PHEX: variants seen among roughly 807,000 people sequenced by gnomAD.
The protein encoded by PHEX is phosphate-regulating neutral endopeptidase PHEX.
In PHEX, 16 loss-of-function variants were observed where a neutral mutation model predicts 68.0. The ratio of observed to expected loss-of-function variants is 0.24; its 90% CI spans 0.16 to 0.36. The LOEUF is 0.36. PHEX is among the 10% of genes least tolerant of loss of function. The pLI is 1.00. For synonymous variants in PHEX, 208 were observed against 205.1 expected, an observed-to-expected ratio of 1.01 and a Z score of -0.12; for missense variants, 480 against 575.5, an observed-to-expected ratio of 0.83 and a Z score of 1.70.
intron 2 of PHEX, among the ~76,000 whole-genome samples, chrX:22,041,987 A>G (rs1927310959): frequency 9.0e-6 from 1 of 111,267 alleles, no homozygotes; most frequent in South Asian, 3.8e-4. Flanking sequence ...CTGTTTCTGG[A>G]GTGAAAGGCT....
At position 22,129,938 on chromosome X, in the gene PHEX, C is replaced by T. The variant is rs759535572; in HGVS notation, c.1303-3585C>T. ...ACTTGCTGTCTTCGCTTCCCACACA[C>T]TCTTCATCCCACTAGTTTGGCTTCT... On this transcript the variant is annotated intron_variant, in intron 11 of 21. Transcript: ENST00000379374. 4.5e-5 allele frequency among the ~76,000 whole-genome samples: 5 copies of T among 111,772 alleles called. No individual in the cohort carries two copies. The South Asian group carries it at 1.5e-3, about 33-fold the overall frequency.
At chrX:22,204,756 C>G (rs1193932400) in intron 15 of PHEX, among the ~76,000 whole-genome samples, 1 of 111,453 alleles carries the variant, frequency 9.0e-6, no homozygotes. Context: ...AGCTATTGCA[C>G]AGGACAAGTA....
chrX:22,190,329 A>T, intron 14 of PHEX, 115 bp from the exon 15 acceptor site: 1 of 574,843 alleles, frequency 1.7e-6, no homozygotes, highest in Non-Finnish European at 3.2e-6. Context: ...CATGTCCAAC[A>T]TCCCCATTGT....
chrX:22,044,478 A>G (rs1255581923), intron 2 of PHEX, among the ~76,000 whole-genome samples: 2 of 111,323 alleles, frequency 1.8e-5, no homozygotes, highest in Non-Finnish European at 3.8e-5. Flanking sequence ...TTGGGAGGCC[A>G]AGGTGGGTGG....
intron 7 of PHEX, 118 bp from the exon 8 acceptor site, chrX:22,096,837 C>T (rs1290646773): frequency 3.5e-6 from 2 of 579,651 alleles, no homozygotes; most frequent in South Asian, 2.5e-5. Flanking sequence ...TTGGGGACCA[C>T]ACCAAAGCCT....
intron 15 of PHEX, among the ~76,000 whole-genome samples, chrX:22,191,867 A>T: frequency 8.9e-6 from 1 of 112,662 alleles, no homozygotes; most frequent in East Asian, 2.8e-4. Context: ...AATACCATAC[A>T]GCAGTGAAAA....
In PHEX at chrX:22,036,713, A is replaced by G. The variant is rs183457606; in HGVS notation, c.119-1756A>G. Among the ~76,000 whole-genome samples the G allele has an allele frequency of 6.7e-3, 697 of 103,807 alleles. 16 individuals carry two copies. The South Asian group carries it at 0.12, about 18-fold the overall frequency. The allele number at this position is 103,807 out of a possible 115,157, so 90.1% of individuals were successfully genotyped here. A position where few individuals can be genotyped will look rare whatever the true frequency, so the allele number is the denominator to read the frequency against. On this transcript the variant is annotated intron_variant, in intron 1 of 21. Transcript: ENST00000379374. Reference sequence around the variant, plus strand: ...GCACACTAATCTTTATGCTGCCCATATATATTTTTTTACATAACTTTTTTT... The same window carrying G: ...GCACACTAATCTTTATGCTGCCCATGTATATTTTTTTACATAACTTTTTTT...
intron 15 of PHEX, among the ~76,000 whole-genome samples, chrX:22,210,293 T>C (rs1934877897): frequency 8.9e-6 from 1 of 112,140 alleles, no homozygotes; most frequent in Non-Finnish European, 1.9e-5. Context: ...TGATGTGTGG[T>C]GGCTTCAACT....
chrX:22,111,611 G>T, intron 10 of PHEX, 51 bp downstream of exon 10: 1 of 891,269 alleles, frequency 1.1e-6, no homozygotes, highest in Non-Finnish European at 1.7e-6. Context: ...TTTACATGCT[G>T]GAATAGTCCA....
intron 5 of PHEX, among the ~76,000 whole-genome samples, chrX:22,082,017 C>A (rs952738164): frequency 8.9e-6 from 1 of 112,181 alleles, no homozygotes; most frequent in Non-Finnish European, 1.9e-5. Context: ...CTCAGCAAAA[C>A]TCGTAAAAAA....
intron 14 of PHEX, among the ~76,000 whole-genome samples, chrX:22,187,402 C>T (rs1011590656): frequency 4.5e-5 from 5 of 111,677 alleles, no homozygotes; most frequent in Admixed American, 3.8e-4. Flanking sequence ...GAGCCAGCAG[C>T]GTGTCAAATC....
intron 3 of PHEX, among the ~76,000 whole-genome samples, chrX:22,064,106 A>G (rs1928493654): frequency 8.9e-6 from 1 of 112,447 alleles, no homozygotes; most frequent in African/African-American, 3.2e-5. Context: ...TGTTCATTGA[A>G]GTTCTTTTAG....
At chrX:22,227,455 A>G in intron 19 of PHEX, 52 bp from the exon 20 acceptor site, 3 of 864,561 alleles carry the variant, frequency 3.5e-6, no homozygotes, top group Non-Finnish European at 5.2e-6. Flanking sequence ...TAGCTGAGCA[A>G]AGAGAAAAAC....
chrX:22,142,581 A>T (rs761743410), intron 12 of PHEX, among the ~76,000 whole-genome samples: 1 of 112,363 alleles, frequency 8.9e-6, no homozygotes, highest in African/African-American at 3.2e-5. Flanking sequence ...GGGAATTGGA[A>T]TCAGCCAATT....
At chrX:22,213,775 ATTTAAAAATATGTAGG>A (rs1246220564) in intron 16 of PHEX, among the ~76,000 whole-genome samples, 6 of 112,547 alleles carry the variant, frequency 5.3e-5, no homozygotes, top group Non-Finnish European at 1.1e-4. Flanking sequence ...ATATATGACA[ATTTAAAAATATGTAGG>A]TTTAAAAGAT....
chrX:22,233,455 G>T lies in PHEX; in HGVS notation c.2070+5844G>T, dbSNP rs183613107. On this transcript the variant is annotated intron_variant, in intron 20 of 21. Transcript: ENST00000379374. ...TCACTTTCAGGTACACCAATCAAACGTAGATTTGGTCTTTTCACATAGTCC... is the reference window on the plus strand; with the variant it reads ...TCACTTTCAGGTACACCAATCAAACTTAGATTTGGTCTTTTCACATAGTCC... 2.1e-3 allele frequency among the ~76,000 whole-genome samples: 236 copies of T among 111,384 alleles called. 1 individual carries two copies. Among genetic ancestry groups the T allele is most frequent in the Non-Finnish European group, 1.7e-3 (92 of 53,077 alleles).
intron 11 of PHEX, among the ~76,000 whole-genome samples, chrX:22,132,516 C>T (rs748326396): frequency 3.6e-5 from 4 of 111,775 alleles, no homozygotes; most frequent in Non-Finnish European, 5.6e-5. Context: ...GTTTAACCCA[C>T]GGAACTAAAT....
At chrX:22,187,181 A>C (rs1444816117) in intron 14 of PHEX, among the ~76,000 whole-genome samples, 2 of 112,078 alleles carry the variant, frequency 1.8e-5, no homozygotes, top group Non-Finnish European at 3.8e-5. Flanking sequence ...TTTGGATTTC[A>C]TAAGGCTGAA....
intron 9 of PHEX, among the ~76,000 whole-genome samples, chrX:22,106,508 C>A (rs1215873331): frequency 9.0e-6 from 1 of 111,578 alleles, no homozygotes; most frequent in East Asian, 2.8e-4. Context: ...TGGTGGCTCA[C>A]GCCTGTAATC....
Sources: gnomAD v4.1 joint callset for allele counts (sites outside exome capture counted in the v4.1 genomes callset) on GRCh38, gnomAD v4.1.1 for gene constraint, MANE v1.5 for transcripts, NCBI Gene and HGNC (gene_info 2026-07-23, HGNC 2026-07-21) for gene names.